The following DMD variants were observed in gnomAD, a reference collection of about 807,000 sequenced individuals.
DMD encodes mutant dystrophin.
A neutral mutation model predicts 330.1 loss-of-function variants in DMD; 63 were observed. The ratio of observed to expected loss-of-function variants is 0.19; its 90% CI spans 0.16 to 0.24. The LOEUF is 0.24. Among genes scored for constraint, DMD ranks in the 10% least tolerant of loss-of-function variants. DMD has a pLI of 1.00. For synonymous variants in DMD, 1,223 were observed against 959.8 expected (o/e 1.27, Z -5.07); for missense variants, 3,344 against 2,684.1 (o/e 1.25, Z -5.43).
chrX:31,977,353 CAA>C (rs751298126), intron 44 of DMD, among the ~76,000 whole-genome samples: 17 of 111,498 alleles, frequency 1.5e-4, no homozygotes, highest in African/African-American at 3.3e-4. Flanking sequence ...GTGTTTTTAT[CAA>C]AGTTTCATCT....
rs181010496 is a variant in DMD at position 31,896,673 on chromosome X, A to G, written c.6913-21300T>C. Among the ~76,000 whole-genome samples the G allele has an allele frequency of 1.9e-3, 218 of 111,861 alleles. 1 individual carries two copies. Among genetic ancestry groups the G allele is most frequent in the African/African-American group, 6.8e-3 (209 of 30,938 alleles). On this transcript the variant is annotated intron_variant, in intron 47 of 78. Coordinates refer to ENST00000357033, the MANE Select transcript of DMD (RefSeq NM_004006.3). Reference sequence around the variant, plus strand: ...ATTCTTTTACCTTTATTGAGTATAGAAAACCATTTCATTCAGTATCCTAAA... The same window carrying G: ...ATTCTTTTACCTTTATTGAGTATAGGAAACCATTTCATTCAGTATCCTAAA...
intron 60 of DMD, among the ~76,000 whole-genome samples, chrX:31,437,618 G>A (rs61595177): frequency 0.08 from 8,853 of 110,542 alleles, 318 homozygotes; most frequent in East Asian, 0.23. Context: ...TGTTGTAGCC[G>A]AAGCAACAGG....
At chrX:32,767,933 T>C (rs1047401597) in intron 7 of DMD, among the ~76,000 whole-genome samples, 24 of 111,537 alleles carry the variant, frequency 2.2e-4, no homozygotes, top group African/African-American at 7.8e-4. Context: ...GAATCAATTA[T>C]TTTCATAAAG....
chrX:32,885,239 C>G (rs1034134186), intron 2 of DMD, among the ~76,000 whole-genome samples: 4 of 111,579 alleles, frequency 3.6e-5, no homozygotes, highest in Non-Finnish European at 5.6e-5. Context: ...CCGCATCATT[C>G]CAAGACAAAT....
intron 44 of DMD, among the ~76,000 whole-genome samples, chrX:32,017,713 T>G (rs1384598910): frequency 8.9e-6 from 1 of 111,744 alleles, no homozygotes; most frequent in East Asian, 2.9e-4. Context: ...AACTTCCTGG[T>G]GTAGTGCCTT....
At chrX:32,639,885 G>A (rs1033242957) in intron 11 of DMD, among the ~76,000 whole-genome samples, 1 of 110,327 alleles carries the variant, frequency 9.1e-6, no homozygotes, top group Non-Finnish European at 1.9e-5. Flanking sequence ...AATTAGAAAA[G>A]GCTGGAGAAA....
intron 17 of DMD, among the ~76,000 whole-genome samples, chrX:32,521,376 T>A (rs1450261774): frequency 8.9e-6 from 1 of 111,869 alleles, no homozygotes; most frequent in African/African-American, 3.3e-5. Context: ...GATGCCACTC[T>A]ATTCTAATTT....
intron 50 of DMD, among the ~76,000 whole-genome samples, chrX:31,810,343 G>C (rs1490576211): frequency 9.0e-6 from 1 of 111,695 alleles, no homozygotes; most frequent in African/African-American, 3.3e-5. Context: ...TCTGATTTAA[G>C]ATAGAAAAGA....
chrX:32,439,831 A>T (rs1279090134), intron 28 of DMD, among the ~76,000 whole-genome samples: 1 of 111,478 alleles, frequency 9.0e-6, no homozygotes, highest in African/African-American at 3.3e-5. Context: ...AATTATGACC[A>T]CAACATAGAA....
chrX:32,697,384 G>A (rs984434995), intron 9 of DMD, among the ~76,000 whole-genome samples: 1 of 111,639 alleles, frequency 9.0e-6, no homozygotes, highest in Non-Finnish European at 1.9e-5. Context: ...AGCATATGAA[G>A]AAGCTTGCAG....
chrX:32,654,039 G>A (rs769740913), intron 9 of DMD, among the ~76,000 whole-genome samples: 71 of 112,172 alleles, frequency 6.3e-4, no homozygotes, highest in African/African-American at 2.2e-3. Context: ...ATCAGCTTAA[G>A]TAGATTTTGG....
In DMD at chrX:32,682,402, A is replaced by C. The variant is rs1331969456; in HGVS notation, c.960+15468T>G. On this transcript the variant is annotated intron_variant, in intron 9 of 78. Coordinates refer to ENST00000357033, the MANE Select transcript of DMD (RefSeq NM_004006.3). ...CCGTGACCGACTGCCTTTTACAACCAGTCTCATTAGGTAGTCTATACTTAA... is the reference window on the plus strand; with the variant it reads ...CCGTGACCGACTGCCTTTTACAACCCGTCTCATTAGGTAGTCTATACTTAA... Among the ~76,000 whole-genome samples, 4 of 111,644 alleles carry C rather than the reference A, an allele frequency of 3.6e-5. No homozygotes were observed. The East Asian group carries it at 8.5e-4, about 24-fold the overall frequency.
At chrX:31,415,988 G>T (rs2061853975) in intron 60 of DMD, among the ~76,000 whole-genome samples, 1 of 111,884 alleles carries the variant, frequency 8.9e-6, no homozygotes, top group African/African-American at 3.2e-5. Flanking sequence ...ACATCTCAAA[G>T]AAATATTTTG....
At chrX:32,584,687 A>G (rs1219401538) in intron 13 of DMD, among the ~76,000 whole-genome samples, 1 of 112,305 alleles carries the variant, frequency 8.9e-6, no homozygotes, top group Non-Finnish European at 1.9e-5. Context: ...TAAAAGTTTC[A>G]TTTACATCAA....
intron 44 of DMD, among the ~76,000 whole-genome samples, chrX:32,168,521 C>T (rs1457661647): frequency 1.1e-5 from 1 of 94,063 alleles, no homozygotes; most frequent in East Asian, 3.3e-4. Context: ...TCAAATCAAG[C>T]TCTGACCAAT....
intron 9 of DMD, 21 bp from the exon 10 acceptor site, chrX:32,645,173 G>T (rs775306672): frequency 7.5e-6 from 9 of 1,195,416 alleles, no homozygotes; most frequent in Non-Finnish European, 9.1e-6. Flanking sequence ...AAATAAATTG[G>T]GTGTTACACA....
intron 59 of DMD, among the ~76,000 whole-genome samples, chrX:31,450,844 G>C (rs182924651): frequency 1.8e-5 from 2 of 111,779 alleles, no homozygotes; most frequent in East Asian, 2.8e-4. Context: ...TTGTACCCCT[G>C]GTGGTTTTAA....
intron 45 of DMD, among the ~76,000 whole-genome samples, chrX:31,962,191 C>A (rs1294032020): frequency 9.0e-6 from 1 of 111,350 alleles, no homozygotes; most frequent in African/African-American, 3.3e-5. Flanking sequence ...AAGTATTGAG[C>A]TACGTAAAAC....
intron 30 of DMD, among the ~76,000 whole-genome samples, chrX:32,394,504 G>A (rs777882219): frequency 5.4e-5 from 6 of 111,752 alleles, no homozygotes; most frequent in Non-Finnish European, 9.4e-5. Context: ...ATTGGTTTTG[G>A]TCAAAAAGAT....
Sources: allele counts gnomAD v4.1 joint callset (sites outside exome capture counted in the v4.1 genomes callset), GRCh38; gene constraint gnomAD v4.1.1; transcripts MANE v1.5; gene names NCBI Gene and HGNC (gene_info 2026-07-23, HGNC 2026-07-21).